Variants in MEGF11 observed in about 807,000 individuals in gnomAD.
The protein encoded by MEGF11 is multiple EGF like domains 11.
MEGF11 carries 126 observed loss-of-function variants against 146.6 expected under a neutral mutation model. The observed-to-expected ratio is 0.86, with a 90% CI of 0.74 to 1.00. The LOEUF is 1.00. MEGF11 is among the 50% of genes least tolerant of loss of function. The pLI is 0.00. For synonymous variants in MEGF11, 532 were observed against 583.4 expected (o/e 0.91, Z 1.27); for missense variants, 1,509 against 1,521.2 (o/e 0.99, Z 0.13).
chr15:66,059,705 C>G (rs750345183), intron 5 of MEGF11, among the ~76,000 whole-genome samples: 3 of 151,998 alleles, frequency 2.0e-5, no homozygotes, highest in African/African-American at 7.3e-5. Context: ...ATCCAGTGAT[C>G]CCCATTTGTC....
At chr15:66,121,798 C>T (rs1278485489) in intron 3 of MEGF11, among the ~76,000 whole-genome samples, 2 of 152,178 alleles carry the variant, frequency 1.3e-5, no homozygotes, top group Non-Finnish European at 2.9e-5. Context: ...CTAGCTAATG[C>T]TAAAAATATT....
intron 5 of MEGF11, among the ~76,000 whole-genome samples, chr15:66,088,983 G>A (rs967372614): frequency 1.7e-4 from 26 of 152,226 alleles, no homozygotes; most frequent in Non-Finnish European, 2.9e-5. Context: ...ATGTTAAAAT[G>A]AGTAATTTTA....
rs752844546 is a variant in MEGF11, at chr15:66,123,977, G to A, written c.122C>T (p.Ser41Leu). ...WESYAVTVQESYAHPFDQIYY... is the reference protein window; with the variant it reads ...WESYAVTVQELYAHPFDQIYY... ...GATCTGATCGAAGGGGTGTGCATAC[G>A]ATTCCTGGACAGTCACAGCATAGCT... The change falls in exon 3 of 26, where the codon TCG (serine) becomes TTG (leucine). Residue 41 changes from serine to leucine, a missense_variant. Coordinates refer to ENST00000395614, the MANE Select transcript of MEGF11 (RefSeq NM_001385028.1). 107 of 1,613,814 alleles carry A rather than the reference G, an allele frequency of 6.6e-5. No individual in the cohort carries two copies. Among genetic ancestry groups the A allele is most frequent in the Admixed American group, 4.5e-4 (27 of 60,006 alleles).
chr15:66,047,937 G>A (rs1337637387), intron 5 of MEGF11, among the ~76,000 whole-genome samples: 2 of 142,558 alleles, frequency 1.4e-5, no homozygotes, highest in Non-Finnish European at 3.0e-5. Flanking sequence ...TTATCTCCAT[G>A]GGCCCTGGGA....
chr15:66,025,503 AC>A (rs2083297627), intron 5 of MEGF11, among the ~76,000 whole-genome samples: 1 of 152,118 alleles, frequency 6.6e-6, no homozygotes, highest in African/African-American at 2.4e-5. Flanking sequence ...CAAGGGTAGC[AC>A]GGTGGAGTCG....
chr15:65,953,497 A>G (rs2080474459), intron 10 of MEGF11, among the ~76,000 whole-genome samples: 1 of 152,192 alleles, frequency 6.6e-6, no homozygotes, highest in African/African-American at 2.4e-5. Context: ...AAATTGAGGA[A>G]AGTGAAAGTG....
intron 1 of MEGF11, among the ~76,000 whole-genome samples, chr15:66,248,847 A>T (rs2092332810): frequency 6.6e-6 from 1 of 152,230 alleles, no homozygotes; most frequent in Non-Finnish European, 1.5e-5. Flanking sequence ...CAGAACAGAC[A>T]TGTTAAGCCT....
intron 5 of MEGF11, among the ~76,000 whole-genome samples, chr15:66,079,535 AC>A (rs1185145323): frequency 2.2e-5 from 1 of 46,088 alleles, no homozygotes; most frequent in African/African-American, 8.1e-5. Flanking sequence ...ACCTTCATTC[AC>A]ACCCCCCCCC....
intron 5 of MEGF11, among the ~76,000 whole-genome samples, chr15:66,069,080 C>T (rs1427685402): frequency 1.3e-5 from 2 of 152,238 alleles, no homozygotes; most frequent in Admixed American, 6.5e-5. Flanking sequence ...GCCTCAGCTT[C>T]TGCATCTGCA....
At chr15:66,152,808 C>A (rs752475706) in intron 1 of MEGF11, among the ~76,000 whole-genome samples, 1 of 152,224 alleles carries the variant, frequency 6.6e-6, no homozygotes, top group Non-Finnish European at 1.5e-5. Context: ...GCCAGCCTGC[C>A]CAATTGGCAG....
chr15:66,212,104 C>A (rs1263355545), intron 1 of MEGF11, among the ~76,000 whole-genome samples: 2 of 30,854 alleles, frequency 6.5e-5, no homozygotes, highest in African/African-American at 1.2e-4. Flanking sequence ...CAGTCTCCCG[C>A]AGGGCCTCCC....
chr15:66,034,806 G>A, intron 5 of MEGF11, among the ~76,000 whole-genome samples: 1 of 146,376 alleles, frequency 6.8e-6, no homozygotes, highest in African/African-American at 2.8e-5. Context: ...TGAGTGTTCT[G>A]CCCTCATGAT....
chr15:66,122,047 G>A (rs1251772485), intron 3 of MEGF11, among the ~76,000 whole-genome samples: 1 of 152,056 alleles, frequency 6.6e-6, no homozygotes, highest in Non-Finnish European at 1.5e-5. Context: ...AGCAGATCAC[G>A]AGGTCAGGAG....
At chr15:65,921,950 C>T in intron 15 of MEGF11, 1 of 203,978 alleles carries the variant, frequency 4.9e-6, no homozygotes, top group South Asian at 7.5e-5. Context: ...CCAGCCAGAG[C>T]CAGCTCCTCT....
At chr15:65,913,464 G>A in intron 20 of MEGF11, 1 of 559,690 alleles carries the variant, frequency 1.8e-6, no homozygotes, top group Non-Finnish European at 3.2e-6. Flanking sequence ...TGCTCCTGAG[G>A]CCGAAGGCTG....
At chr15:66,166,322 G>C (rs375021502) in intron 1 of MEGF11, among the ~76,000 whole-genome samples, 2 of 152,068 alleles carry the variant, frequency 1.3e-5, no homozygotes, top group East Asian at 3.9e-4. Context: ...AATCCTGCTG[G>C]CTCTGCCTCC....
intron 1 of MEGF11, among the ~76,000 whole-genome samples, chr15:66,155,919 A>T (rs761839823): frequency 1.3e-5 from 2 of 152,294 alleles, no homozygotes; most frequent in Non-Finnish European, 2.9e-5. Context: ...TTTTCCAGGC[A>T]TGTGGTGGGA....
chr15:66,059,892 T>A (rs927596963), intron 5 of MEGF11, among the ~76,000 whole-genome samples: 14 of 152,190 alleles, frequency 9.2e-5, no homozygotes, highest in African/African-American at 3.1e-4. Flanking sequence ...AAATCTGCTA[T>A]CTTGCTCGAA....
At chr15:66,190,774 A>G (rs891193204) in intron 1 of MEGF11, among the ~76,000 whole-genome samples, 2 of 152,256 alleles carry the variant, frequency 1.3e-5, no homozygotes, top group Admixed American at 6.5e-5. Flanking sequence ...ATGCTGTGTC[A>G]GGCCCTGGGC....
Sources: allele counts gnomAD v4.1 joint callset (sites outside exome capture counted in the v4.1 genomes callset), GRCh38; gene constraint gnomAD v4.1.1; transcripts MANE v1.5; gene names NCBI Gene and HGNC (gene_info 2026-07-23, HGNC 2026-07-21).